The following MXD4 variants were observed in gnomAD, a reference collection of about 807,000 sequenced individuals.
MXD4 encodes the protein Mad4 homolog.
Under a neutral mutation model 24.5 loss-of-function variants are expected in MXD4, and 16 were observed. The ratio of observed to expected loss-of-function variants is 0.65; its 90% CI spans 0.44 to 0.99. The LOEUF (loss-of-function observed/expected upper bound fraction) is 0.99, where lower values mean the gene tolerates loss of function less well. MXD4 is among the 50% of genes least tolerant of loss of function. MXD4 has a pLI of 0.00. For synonymous variants in MXD4, 164 were observed against 134.2 expected (o/e 1.22, Z -1.54); for missense variants, 301 against 301.5 (o/e 1.00, Z 0.01).
At position 2,250,614 on chromosome 4, in the gene MXD4, T is replaced by C. The variant is rs562571024; in HGVS notation, c.560A>G (p.Gln187Arg). The C allele has an allele frequency of 1.2e-6, 2 of 1,613,022 alleles. No homozygotes were observed. The highest frequency in any genetic ancestry group is 1.1e-5 in the South Asian group (1 of 91,028). ...SSDADDHYSL[Q>R]SGTGGDSGFG... is the part of the protein sequence containing the mutation. Reference sequence around the variant, plus strand: ...GCCACTGTCGCCGCCGGTGCCACTCTGCAGGCTGTAGTGGTCGTCCGCGTC... The same window carrying C: ...GCCACTGTCGCCGCCGGTGCCACTCCGCAGGCTGTAGTGGTCGTCCGCGTC... The change falls in exon 6 of 6, where the codon CAG becomes CGG. Residue 187 changes from glutamine (Q) to arginine (R), a missense_variant. Transcript: ENST00000337190.
chr4:2,261,963 C>G lies in MXD4; in HGVS notation c.18G>C (p.Leu6=). 1.4e-6 allele frequency: 2 copies of G among 1,435,162 alleles called. No individual in the cohort carries two copies. 88.9% of individuals were successfully genotyped at this position (1,435,162 alleles called of 1,614,324 possible). MELNS[L]LILLEAAEYL... is the part of the protein sequence containing the mutation. ...ACTCGGCCGCCTCCAGCAGGATCAG[C>G]AGGGAGTTCAGCTCCATCCTCCCGC... The change falls in exon 1 of 6, where the codon CTG becomes CTC. Residue 6 remains leucine, a synonymous_variant. Coordinates refer to ENST00000337190, the MANE Select transcript of MXD4 (RefSeq NM_006454.3).
rs567384574 is a variant in MXD4 at position 2,258,297 on chromosome 4, T to A, written c.165-286A>T. ...TCCATGGGTCAGGGACTTGGTTTGG[T>A]GAGAAGCAGCAGCAGGGGCCAGCCT... is the stretch of plus-strand genomic sequence containing the variant. On this transcript the variant is annotated intron_variant, in intron 2 of 5. Coordinates refer to ENST00000337190, the MANE Select transcript of MXD4 (RefSeq NM_006454.3). 7.2e-5 allele frequency among the ~76,000 whole-genome samples: 11 copies of A among 152,132 alleles called. No individual in the cohort carries two copies. In the East Asian group the frequency reaches 2.1e-3, roughly 29 times the overall value.
chr4:2,255,295 C>T (rs1181478195), intron 3 of MXD4: 1 of 456,152 alleles, frequency 2.2e-6, no homozygotes, highest in South Asian at 1.5e-5. Flanking sequence ...GATGCGGTCT[C>T]TGGGGTGGGG....
rs1335056392 is a variant in MXD4 at position 2,251,242 on chromosome 4, A to G, written c.314T>C (p.Leu105Pro). 6.3e-7 allele frequency: 1 copy of G among 1,594,714 alleles called. No individual in the cohort carries two copies. The change falls in exon 5 of 6, where the codon CTG becomes CCG. Residue 105 changes from leucine to proline, a missense_variant. Physicochemically the swap from Leu to Pro is moderately conservative, Grantham distance 98. Transcript: ENST00000337190. ...CAGTGCCCGGCGGTCCTGCTCCTCC[A>G]GTTTCTGGGGTCGAGGGGGGCTGTG... ...LKRAKVHIKKLEEQDRRALSI... is the reference protein window; with the variant it reads ...LKRAKVHIKKPEEQDRRALSI...
rs1735318497 is a variant in MXD4, at chr4:2,251,312, A to C, written c.310-66T>G. On this transcript the variant is annotated intron_variant, in intron 4 of 5. Coordinates refer to ENST00000337190, the MANE Select transcript of MXD4 (RefSeq NM_006454.3). ...AGTCCCCCCATCCCCCTGGCCAGGC[A>C]CTGGGGCACCCAGGCCTGGGCCCGG... The C allele has an allele frequency of 2.7e-6, 4 of 1,460,840 alleles. No individual in the cohort carries two copies. The African/African-American group carries it at 5.7e-5, about 21-fold the overall frequency. 90.5% of individuals were successfully genotyped at this position (1,460,840 alleles called of 1,614,324 possible).
chr4:2,260,766 A>C (rs1224123441), intron 2 of MXD4, among the ~76,000 whole-genome samples: 1 of 152,234 alleles, frequency 6.6e-6, no homozygotes, highest in African/African-American at 2.4e-5. Context: ...GGTGGACCAC[A>C]GGAATGAGCC....
In MXD4 at chr4:2,251,231, C is replaced by A; in HGVS notation, c.325G>T (p.Asp109Tyr). The A allele has an allele frequency of 1.2e-6, 2 of 1,600,092 alleles. No homozygotes were observed. Among genetic ancestry groups the A allele is most frequent in the South Asian group, 1.1e-5 (1 of 89,752 alleles). ...KVHIKKLEEQ[D>Y]RRALSIKEQL... ...TCCTTGATGCTCAGTGCCCGGCGGT[C>A]CTGCTCCTCCAGTTTCTGGGGTCGA... is the stretch of plus-strand genomic sequence containing the variant. Residue 109 changes from aspartate (D) to tyrosine (Y), a missense_variant, in exon 5 of 6, where the codon GAC (aspartate) becomes TAC (tyrosine). Coordinates refer to ENST00000337190, the MANE Select transcript of MXD4 (RefSeq NM_006454.3).
chr4:2,258,148 G>C, intron 2 of MXD4, 137 bp from the exon 3 acceptor site: 1 of 1,035,722 alleles, frequency 9.7e-7, no homozygotes, highest in Non-Finnish European at 1.4e-6. Flanking sequence ...CCAGAGCAGT[G>C]AGGCCTGGGG....
At chr4:2,258,310 CAGG>C (rs1735471848) in intron 2 of MXD4, among the ~76,000 whole-genome samples, 1 of 152,190 alleles carries the variant, frequency 6.6e-6, no homozygotes, top group African/African-American at 2.4e-5. Context: ...GAAGCAGCAG[CAGG>C]GGCCAGCCTT....
intron 4 of MXD4, 97 bp from the exon 5 acceptor site, chr4:2,251,343 TCC>T: frequency 7.3e-7 from 1 of 1,376,422 alleles, no homozygotes; most frequent in East Asian, 2.6e-5. Context: ...CCCGGGAGGT[TCC>T]CCATCCCTGC....
chr4:2,249,934 T>C lies in MXD4; in HGVS notation c.*610A>G, dbSNP rs1465422943. 2.0e-5 allele frequency: 3 copies of C among 153,012 alleles called. No homozygotes were observed. Among genetic ancestry groups the C allele is most frequent in the East Asian group, 3.9e-4 (2 of 5,102 alleles). The allele number at this position is 153,012 out of a possible 1,614,324, so 9.5% of individuals were successfully genotyped here. On this transcript the variant is annotated 3_prime_UTR_variant, in exon 6 of 6. Transcript: ENST00000337190. ...AGACGCTGCCCAGCTCGGCGTGGGC[T>C]GGGCTGGCCTGCCTGGCCCCGAGAG...
chr4:2,258,154 T>C, intron 2 of MXD4, 143 bp from the exon 3 acceptor site: 1 of 968,344 alleles, frequency 1.0e-6, no homozygotes, highest in South Asian at 1.6e-5. Context: ...CAGTGAGGCC[T>C]GGGGCAGGTG....
At chr4:2,255,394 C>T in intron 3 of MXD4, 1 of 456,282 alleles carries the variant, frequency 2.2e-6, no homozygotes. Context: ...CACACACACG[C>T]ACTGTCCAAA....
rs373274057 is a variant in MXD4 at position 2,251,181 on chromosome 4, G to C, written c.375C>G (p.Phe125Leu). 2 of 1,606,194 alleles carry C rather than the reference G, an allele frequency of 1.2e-6. No homozygotes were observed. The highest frequency in any genetic ancestry group is 1.7e-6 in the Non-Finnish European group (2 of 1,176,240). The change falls in exon 5 of 6, where the codon TTC becomes TTG. Residue 125 changes from phenylalanine to leucine, a missense_variant. By Grantham distance (22) the Phe-to-Leu change is conservative. Transcript: ENST00000337190. ...ACAGCTGCTCCAGGCGCCGCTTCAG[G>C]AAACGATGCTCCTGCTGCAGCTGCT... ...IKEQLQQEHR[F>L]LKRRLEQLSV... is the part of the protein sequence containing the mutation.
intron 3 of MXD4, among the ~76,000 whole-genome samples, chr4:2,257,730 A>G (rs9996465): frequency 0.24 from 36,491 of 152,058 alleles, 5,417 homozygotes; most frequent in African/African-American, 0.4. Flanking sequence ...CCTGCTCCAC[A>G]TCTCTCACCC....
chr4:2,261,743 C>T lies in MXD4; in HGVS notation c.146G>A (p.Arg49His), dbSNP rs1221418032. Residue 49 changes from arginine to histidine, a missense_variant, in exon 2 of 6, where the codon CGC becomes CAC. Coordinates refer to ENST00000337190, the MANE Select transcript of MXD4 (RefSeq NM_006454.3). The stretch of plus-strand genomic sequence containing the variant: ...GCGGTACCTGTTGTTCGGGGCCTTG[C>T]GCACCAGGCCGGCCGCCTTTGTTTT... ...REKTKAAGLV[R>H]KAPNNRSSHN... 1 of 1,415,328 alleles carries T rather than the reference C, an allele frequency of 7.1e-7. No individual in the cohort carries two copies. Among genetic ancestry groups the T allele is most frequent in the Non-Finnish European group, 9.3e-7 (1 of 1,076,986 alleles). 87.7% of individuals were successfully genotyped at this position (1,415,328 alleles called of 1,614,324 possible).
rs955584004 is a variant in MXD4, at chr4:2,261,713, G to C, written c.164+12C>G. Reference sequence around the variant, plus strand: ...GACCGGGCCGGGCGGGGTCGGGAGCGGGGGGCGGTACCTGTTGTTCGGGGC... The same window carrying C: ...GACCGGGCCGGGCGGGGTCGGGAGCCGGGGGCGGTACCTGTTGTTCGGGGC... On this transcript the variant is annotated intron_variant, in intron 2 of 5. Transcript: ENST00000337190. 20 of 1,346,234 alleles carry C rather than the reference G, an allele frequency of 1.5e-5. No homozygotes were observed. Among genetic ancestry groups the C allele is most frequent in the Non-Finnish European group, 1.8e-5 (19 of 1,037,596 alleles). 83.4% of individuals were successfully genotyped at this position (1,346,234 alleles called of 1,614,324 possible).
At chr4:2,261,314 G>A (rs1735537687) in intron 2 of MXD4, among the ~76,000 whole-genome samples, 2 of 152,176 alleles carry the variant, frequency 1.3e-5, no homozygotes, top group Admixed American at 6.5e-5. Context: ...CGGAGAGAAG[G>A]GGTTAGGGCC....
chr4:2,252,747 A>C, intron 3 of MXD4: 1 of 502,668 alleles, frequency 2.0e-6, no homozygotes, highest in East Asian at 3.6e-5. Context: ...CCAGCTCACC[A>C]TGGCCTGCAA....
Sources: gnomAD v4.1 joint callset for allele counts (sites outside exome capture counted in the v4.1 genomes callset) on GRCh38, gnomAD v4.1.1 for gene constraint, MANE v1.5 for transcripts, NCBI Gene and HGNC (gene_info 2026-07-23, HGNC 2026-07-21) for gene names.